RNLS: variants seen among roughly 807,000 people sequenced by gnomAD.
RNLS encodes renalase.
A neutral mutation model predicts 39.8 loss-of-function variants in RNLS; 39 were observed. The ratio of observed to expected loss-of-function variants is 0.98; its 90% CI spans 0.76 to 1.28. The LOEUF (loss-of-function observed/expected upper bound fraction) is 1.28. Ranked by LOEUF, RNLS falls within the 50% of genes most tolerant of loss-of-function variation. RNLS has a pLI of 0.00. For synonymous variants in RNLS, 147 were observed against 150.7 expected, an observed-to-expected ratio of 0.98 and a Z score of 0.18; for missense variants, 410 against 413.3, an observed-to-expected ratio of 0.99 and a Z score of 0.07.
the RNLS span, among the ~76,000 whole-genome samples, chr10:88,258,186 T>C: frequency 6.6e-6 from 1 of 152,102 alleles, no homozygotes; most frequent in African/African-American, 2.4e-5. Context: ...GAGGGCAAAA[T>C]GTTACTGCAA....
intron 4 of RNLS, among the ~76,000 whole-genome samples, chr10:88,391,997 T>C (rs866482697): frequency 3.3e-5 from 5 of 152,254 alleles, no homozygotes; most frequent in Admixed American, 1.3e-4. Context: ...CCAAACTCCA[T>C]TTCCAGAGAA....
At chr10:88,289,288 G>A (rs548233315) in intron 6 of RNLS, among the ~76,000 whole-genome samples, 4 of 152,004 alleles carry the variant, frequency 2.6e-5, no homozygotes, top group African/African-American at 9.7e-5. Context: ...ATCTCACCTC[G>A]TGCCACTTCT....
chr10:88,546,219 T>C (rs1418617957), intron 4 of RNLS, among the ~76,000 whole-genome samples: 1 of 152,022 alleles, frequency 6.6e-6, no homozygotes, highest in African/African-American at 2.4e-5. Context: ...TATGTTTGAG[T>C]TCCCTTGGTT....
At chr10:88,575,397 G>A (rs1014980898) in intron 3 of RNLS, among the ~76,000 whole-genome samples, 9 of 151,318 alleles carry the variant, frequency 5.9e-5, no homozygotes, top group Admixed American at 3.3e-4. Flanking sequence ...AAGAAACTCT[G>A]GGAATTGAGC....
chr10:88,446,871 A>G (rs1407378833), intron 4 of RNLS, among the ~76,000 whole-genome samples: 1 of 152,242 alleles, frequency 6.6e-6, no homozygotes, highest in African/African-American at 2.4e-5. Context: ...ATGCAAATCA[A>G]TAACATAATC....
the RNLS span, among the ~76,000 whole-genome samples, chr10:88,215,336 C>T: frequency 6.6e-6 from 1 of 152,100 alleles, no homozygotes; most frequent in Non-Finnish European, 1.5e-5. Context: ...AGAAAATAGA[C>T]TGAACAATTC....
intron 4 of RNLS, among the ~76,000 whole-genome samples, chr10:88,458,335 T>C (rs1299109661): frequency 6.6e-6 from 1 of 152,162 alleles, no homozygotes; most frequent in African/African-American, 2.4e-5. Flanking sequence ...GGAGCTTCCT[T>C]TCTGTGAAGC....
chr10:88,187,540 C>T, the RNLS span, among the ~76,000 whole-genome samples: 8 of 152,196 alleles, frequency 5.3e-5, no homozygotes, highest in African/African-American at 1.9e-4. Flanking sequence ...CTACCTTTAG[C>T]TTTCTCTTCT....
the RNLS span, among the ~76,000 whole-genome samples, chr10:88,225,574 TGTG>T: frequency 6.6e-6 from 1 of 151,930 alleles, no homozygotes; most frequent in African/African-American, 2.4e-5. Flanking sequence ...ATTAGTCAGA[TGTG>T]GTGGCAGGCA....
chr10:88,410,805 T>C (rs986141108), intron 4 of RNLS, among the ~76,000 whole-genome samples: 1 of 152,104 alleles, frequency 6.6e-6, no homozygotes, highest in African/African-American at 2.4e-5. Context: ...TATTAAAGAA[T>C]AAATAAGAAA....
At chr10:88,333,509 A>G (rs1314767994) in intron 5 of RNLS, among the ~76,000 whole-genome samples, 2 of 152,210 alleles carry the variant, frequency 1.3e-5, no homozygotes, top group African/African-American at 4.8e-5. Flanking sequence ...TATCATTTAT[A>G]TCTTGCTTTT....
intron 4 of RNLS, among the ~76,000 whole-genome samples, chr10:88,434,864 C>G (rs758697185): frequency 4.5e-4 from 68 of 151,762 alleles, no homozygotes; most frequent in Admixed American, 1.1e-3. Flanking sequence ...TCTTCCCATA[C>G]AAAATTCCTT....
the RNLS span, among the ~76,000 whole-genome samples, chr10:88,257,263 A>G: frequency 6.6e-6 from 1 of 152,206 alleles, no homozygotes; most frequent in Non-Finnish European, 1.5e-5. Context: ...ATGTGAGTGT[A>G]AGTTAAATGA....
chr10:88,440,890 G>T (rs1396764342), intron 4 of RNLS, among the ~76,000 whole-genome samples: 1 of 152,006 alleles, frequency 6.6e-6, no homozygotes, highest in Non-Finnish European at 1.5e-5. Context: ...AGGGAGGGGT[G>T]GATAAACAAA....
chr10:88,309,955 A>C (rs560452771), intron 6 of RNLS, among the ~76,000 whole-genome samples: 2 of 152,278 alleles, frequency 1.3e-5, no homozygotes, highest in Admixed American at 1.3e-4. Flanking sequence ...GCTCATACTT[A>C]TAATCCTAGC....
chr10:88,581,706 A>G lies in RNLS; in HGVS notation c.228T>C (p.Phe76=). Residue 76 remains phenylalanine, a synonymous_variant, in exon 3 of 7, where the codon TTT becomes TTC. Transcript: ENST00000331772. ...CGCCATAGGCTAACAGTTCATCATA[A>G]AAACTGAAATAAATCAATATGTATA... ...TPHYAKKHQR[F]YDELLAYGVL... 1 of 1,561,692 alleles carries G rather than the reference A, an allele frequency of 6.4e-7. No homozygotes were observed. The highest frequency in any genetic ancestry group is 8.6e-7 in the Non-Finnish European group (1 of 1,158,072).
chr10:88,384,419 G>C (rs540690686), intron 4 of RNLS, among the ~76,000 whole-genome samples: 1 of 152,154 alleles, frequency 6.6e-6, no homozygotes, highest in Admixed American at 6.5e-5. Flanking sequence ...AAAAACTTAG[G>C]CTCAGAGAGG....
intron 4 of RNLS, among the ~76,000 whole-genome samples, chr10:88,448,868 G>A (rs1478164340): frequency 6.6e-6 from 1 of 152,158 alleles, no homozygotes; most frequent in Non-Finnish European, 1.5e-5. Context: ...GATGAAGCTG[G>A]AAACCATCAA....
At chr10:88,265,323 CTTTTTTT>C in the RNLS span, among the ~76,000 whole-genome samples, 98 of 59,080 alleles carry the variant, frequency 1.7e-3, no homozygotes, top group Admixed American at 9.3e-3. Context: ...CAGGGTTTTT[CTTTTTTT>C]TTTTTTTTTT....
Sources: gnomAD v4.1 joint callset for allele counts (sites outside exome capture counted in the v4.1 genomes callset) on GRCh38, gnomAD v4.1.1 for gene constraint, MANE v1.5 for transcripts, NCBI Gene and HGNC (gene_info 2026-07-23, HGNC 2026-07-21) for gene names.